Variants in ABCG2 observed in about 807,000 individuals in gnomAD.
ABCG2 encodes ATP binding cassette subfamily G member 2 (JR blood group), also known as broad substrate specificity ATP-binding cassette transporter ABCG2.
Under a neutral mutation model 73.5 loss-of-function variants are expected in ABCG2, and 80 were observed. The ratio of observed to expected loss-of-function variants is 1.09; its 90% CI spans 0.91 to 1.31. ABCG2 has a LOEUF of 1.31. Ranked by LOEUF, ABCG2 falls within the 50% of genes most tolerant of loss-of-function variation. ABCG2 has a pLI of 0.00. For synonymous variants in ABCG2, 269 were observed against 282.4 expected, an observed-to-expected ratio of 0.95 and a Z score of 0.48; for missense variants, 796 against 786.2, an observed-to-expected ratio of 1.01 and a Z score of -0.15.
At position 88,230,693 on chromosome 4, in the gene ABCG2, T is replaced by C. The variant is rs1008067170; in HGVS notation, c.-20+301A>G. Among the ~76,000 whole-genome samples, 38 of 152,106 alleles carry C rather than the reference T, an allele frequency of 2.5e-4. 1 individual carries two copies. Among genetic ancestry groups the C allele is most frequent in the African/African-American group, 9.2e-4 (38 of 41,418 alleles). The stretch of plus-strand genomic sequence containing the variant: ...AAATCATGTGTTCAGCCAAATACCC[T>C]TATCCTGCCTACAATGCCCAACCCC... On this transcript the variant is annotated intron_variant, in intron 1 of 15. Transcript: ENST00000515655.
intron 2 of ABCG2, among the ~76,000 whole-genome samples, chr4:88,133,317 G>A (rs777791810): frequency 2.0e-5 from 3 of 152,008 alleles, no homozygotes; most frequent in Non-Finnish European, 4.4e-5. Flanking sequence ...AGTAGAAATC[G>A]AGGCTGGGAT....
chr4:88,125,043 A>G (rs1724287572), intron 5 of ABCG2, among the ~76,000 whole-genome samples: 1 of 152,214 alleles, frequency 6.6e-6, no homozygotes, highest in Non-Finnish European at 1.5e-5. Context: ...CTGTAATCCC[A>G]GCACTTCGGA....
At chr4:88,114,923 G>C in intron 8 of ABCG2, 34 bp downstream of exon 8, 1 of 1,491,770 alleles carries the variant, frequency 6.7e-7, no homozygotes, top group South Asian at 1.2e-5. Context: ...AATTCAATTA[G>C]GCAAAAATCT....
intron 1 of ABCG2, chr4:88,223,815 G>A (rs1730096420): frequency 6.6e-6 from 1 of 152,446 alleles, no homozygotes; most frequent in Non-Finnish European, 1.5e-5. Context: ...GAGGGATGAA[G>A]GAGATTTTTT....
chr4:88,137,458 A>AT (rs1387935303), intron 2 of ABCG2, among the ~76,000 whole-genome samples: 1 of 152,212 alleles, frequency 6.6e-6, no homozygotes, highest in African/African-American at 2.4e-5. Flanking sequence ...AGACATCAAC[A>AT]TGACCAAGTG....
intron 10 of ABCG2, among the ~76,000 whole-genome samples, chr4:88,103,731 C>T (rs548665502): frequency 7.9e-4 from 121 of 152,312 alleles, no homozygotes; most frequent in Non-Finnish European, 1.6e-3. Context: ...ATTCCCCACA[C>T]ACCTCTAGCC....
At chr4:88,212,485 T>G (rs1729642153) in intron 1 of ABCG2, among the ~76,000 whole-genome samples, 1 of 152,186 alleles carries the variant, frequency 6.6e-6, no homozygotes, top group Admixed American at 6.5e-5. Context: ...TGAACTTCTC[T>G]CCTTCAGTGA....
chr4:88,184,359 G>A (rs775649999), intron 1 of ABCG2, among the ~76,000 whole-genome samples: 23 of 152,102 alleles, frequency 1.5e-4, no homozygotes, highest in Non-Finnish European at 2.5e-4. Context: ...CAGTAAAGTT[G>A]CAGGATACAA....
intron 15 of ABCG2, among the ~76,000 whole-genome samples, chr4:88,094,304 T>A (rs928948611): frequency 4.6e-5 from 7 of 152,074 alleles, no homozygotes; most frequent in Non-Finnish European, 1.0e-4. Flanking sequence ...AATCAAAATA[T>A]CAAAAGGATC....
chr4:88,097,818 G>A (rs906433766), intron 12 of ABCG2, among the ~76,000 whole-genome samples: 7 of 152,230 alleles, frequency 4.6e-5, no homozygotes, highest in African/African-American at 1.4e-4. Flanking sequence ...GTGCCATTAT[G>A]TATAATTACA....
intron 10 of ABCG2, among the ~76,000 whole-genome samples, chr4:88,102,757 AG>A (rs999100138): frequency 4.7e-4 from 71 of 152,274 alleles, no homozygotes; most frequent in African/African-American, 1.6e-3. Context: ...ACTGAAAAAG[AG>A]GTAAGTGACA....
intron 1 of ABCG2, among the ~76,000 whole-genome samples, chr4:88,202,975 A>G (rs1729241137): frequency 6.6e-6 from 1 of 152,112 alleles, no homozygotes; most frequent in South Asian, 2.1e-4. Flanking sequence ...TTTCCCTTCC[A>G]CCCAAATTCT....
intron 5 of ABCG2, among the ~76,000 whole-genome samples, chr4:88,126,403 G>A (rs1181584195): frequency 2.0e-5 from 3 of 152,154 alleles, no homozygotes; most frequent in East Asian, 1.9e-4. Flanking sequence ...TAGAAAAAGA[G>A]GAACTTCTCC....
At chr4:88,104,176 GCTATTAATTCAAA>G (rs1722622060) in intron 10 of ABCG2, among the ~76,000 whole-genome samples, 1 of 152,150 alleles carries the variant, frequency 6.6e-6, no homozygotes, top group Non-Finnish European at 1.5e-5. Context: ...TCCAGAGGTA[GCTATTAATTCAAA>G]GATGCTTATA....
intron 1 of ABCG2, among the ~76,000 whole-genome samples, chr4:88,211,473 A>G (rs1272621822): frequency 6.6e-6 from 1 of 150,972 alleles, no homozygotes; most frequent in Non-Finnish European, 1.5e-5. Context: ...CTGGAGTGCA[A>G]TGGCGCGATC....
chr4:88,183,025 C>T (rs2110101410), intron 1 of ABCG2, among the ~76,000 whole-genome samples: 1 of 133,240 alleles, frequency 7.5e-6, no homozygotes, highest in Non-Finnish European at 1.5e-5. Flanking sequence ...GTGGAGGTTG[C>T]AGTGAGCCGA....
intron 1 of ABCG2, among the ~76,000 whole-genome samples, chr4:88,225,841 A>C (rs1393693947): frequency 6.6e-6 from 1 of 152,174 alleles, no homozygotes; most frequent in African/African-American, 2.4e-5. Context: ...TGCCTTTCAC[A>C]ATGATGGTGG....
chr4:88,131,962 A>T (rs781634021), intron 3 of ABCG2, 45 bp from the exon 4 acceptor site: 7 of 1,424,708 alleles, frequency 4.9e-6, no homozygotes, highest in Non-Finnish European at 6.9e-6. Flanking sequence ...CCTATAAGAG[A>T]ATATATATGT....
At chr4:88,176,477 CTTTTT>C (rs34754034) in intron 1 of ABCG2, among the ~76,000 whole-genome samples, 1 of 84,844 alleles carries the variant, frequency 1.2e-5, no homozygotes. Context: ...AAAGAGAATG[CTTTTT>C]TTTTTTTTTT....
Sources: gnomAD v4.1 joint callset for allele counts (sites outside exome capture counted in the v4.1 genomes callset) on GRCh38, gnomAD v4.1.1 for gene constraint, MANE v1.5 for transcripts, NCBI Gene and HGNC (gene_info 2026-07-23, HGNC 2026-07-21) for gene names.